FRS2: variants seen among roughly 807,000 people sequenced by gnomAD.
FRS2 encodes fibroblast growth factor receptor substrate 2, also known as FGFR signalling adaptor.
A neutral mutation model predicts 43.9 loss-of-function variants in FRS2; 8 were observed. That is an observed-to-expected ratio of 0.18 (90% CI 0.11 to 0.33). The LOEUF (loss-of-function observed/expected upper bound fraction) is 0.33, where lower values mean the gene tolerates loss of function less well. Among genes scored for constraint, FRS2 ranks in the 10% least tolerant of loss-of-function variants. The probability of loss-of-function intolerance (pLI) is 1.00; values close to 1 mark genes in which losing one functional copy is unlikely to be tolerated. For missense variants in FRS2, 534 were observed against 627.6 expected (o/e 0.85, Z 1.59); for synonymous variants, 219 against 220.3 (o/e 0.99, Z 0.05).
At chr12:69,561,318 TG>T (rs1011147695) in intron 3 of FRS2, among the ~76,000 whole-genome samples, 2 of 152,080 alleles carry the variant, frequency 1.3e-5, no homozygotes, top group African/African-American at 4.8e-5. Flanking sequence ...TTGAAATTGT[TG>T]CATTTGAAGT....
intron 1 of FRS2, among the ~76,000 whole-genome samples, chr12:69,497,997 A>G (rs1187966552): frequency 2.2e-5 from 3 of 135,290 alleles, no homozygotes; most frequent in Admixed American, 7.3e-5. Context: ...ATCTATCATC[A>G]GTCCTTGTTT....
intron 3 of FRS2, among the ~76,000 whole-genome samples, chr12:69,554,766 A>G (rs1879193934): frequency 6.6e-6 from 1 of 151,820 alleles, no homozygotes; most frequent in Admixed American, 6.6e-5. Context: ...GTGCAGTGGC[A>G]TGATCACAGC....
At position 69,529,196 on chromosome 12, in the gene FRS2, A is replaced by G. The variant is rs553390480; in HGVS notation, c.-260-1669A>G. Reference sequence around the variant, plus strand: ...GAGAGACTGGGAGATCAGACAGGGAACTATTATACTAATGTGTATGCAAAA... The same window carrying G: ...GAGAGACTGGGAGATCAGACAGGGAGCTATTATACTAATGTGTATGCAAAA... On this transcript the variant is annotated intron_variant, in intron 1 of 8. Transcript: ENST00000549921. Among the ~76,000 whole-genome samples, 11 of 152,338 alleles carry G rather than the reference A, an allele frequency of 7.2e-5. No homozygotes were observed. In the East Asian group the frequency reaches 2.1e-3, roughly 29 times the overall value.
chr12:69,529,129 T>G (rs1351651455), intron 1 of FRS2, among the ~76,000 whole-genome samples: 1 of 152,182 alleles, frequency 6.6e-6, no homozygotes, highest in African/African-American at 2.4e-5. Flanking sequence ...TGACTTTCTT[T>G]TGAAAATGGC....
chr12:69,542,191 G>A (rs952966917), intron 3 of FRS2, among the ~76,000 whole-genome samples: 1 of 152,068 alleles, frequency 6.6e-6, no homozygotes, highest in Non-Finnish European at 1.5e-5. Context: ...TTAATTTGCA[G>A]CATTCTAATT....
chr12:69,508,830 T>A (rs758812867), intron 1 of FRS2, among the ~76,000 whole-genome samples: 2 of 152,214 alleles, frequency 1.3e-5, no homozygotes, highest in Admixed American at 6.5e-5. Flanking sequence ...CTAAGAAGGA[T>A]GAAGATTAGT....
At chr12:69,509,956 T>C (rs1470788552) in intron 1 of FRS2, among the ~76,000 whole-genome samples, 1 of 152,228 alleles carries the variant, frequency 6.6e-6, no homozygotes, top group East Asian at 1.9e-4. Context: ...AATTTACAGG[T>C]ATGCCAAACA....
intron 1 of FRS2, among the ~76,000 whole-genome samples, chr12:69,471,362 A>G (rs1282934220): frequency 1.3e-5 from 2 of 152,154 alleles, no homozygotes; most frequent in South Asian, 4.1e-4. Context: ...GGCTGTACGA[A>G]TTGATTTTAA....
chr12:69,538,872 G>C (rs1005724672), intron 3 of FRS2, among the ~76,000 whole-genome samples: 2 of 151,948 alleles, frequency 1.3e-5, no homozygotes, highest in African/African-American at 2.4e-5. Flanking sequence ...TTCTCCATGA[G>C]TTTATTTCTA....
intron 1 of FRS2, among the ~76,000 whole-genome samples, chr12:69,477,865 C>G (rs1048742417): frequency 1.3e-5 from 2 of 151,308 alleles, no homozygotes; most frequent in African/African-American, 2.4e-5. Context: ...CTCAGCCTCC[C>G]GAATAGCTGG....
rs555542603 is a variant in FRS2 at position 69,494,038 on chromosome 12, C to T, written c.-261+23508C>T. Among the ~76,000 whole-genome samples the T allele has an allele frequency of 5.3e-5, 8 of 152,238 alleles. No homozygotes were observed. In the South Asian group the frequency reaches 1.2e-3, roughly 24 times the overall value. On this transcript the variant is annotated intron_variant, in intron 1 of 8. Coordinates refer to ENST00000549921, the MANE Select transcript of FRS2 (RefSeq NM_001278356.2). ...CTGTATGTTTTGTTTTCTTGTTAGG[C>T]TTCTTTTCAGAATTTTTCCAGGGCA...
chr12:69,553,260 A>G (rs1593042050), intron 3 of FRS2, among the ~76,000 whole-genome samples: 1 of 151,672 alleles, frequency 6.6e-6, no homozygotes, highest in Non-Finnish European at 1.5e-5. Flanking sequence ...TTTAGTAGAG[A>G]CGGGGTTTCA....
intron 3 of FRS2, among the ~76,000 whole-genome samples, chr12:69,559,003 G>T (rs1305412584): frequency 6.6e-6 from 1 of 152,108 alleles, no homozygotes; most frequent in African/African-American, 2.4e-5. Context: ...AAGCAACTAT[G>T]CCTGAAATAA....
At position 69,571,496 on chromosome 12, in the gene FRS2, T is replaced by G. The variant is rs1044279941; in HGVS notation, c.412+62T>G. ...AGACGTTTAGTTGTAAGCTATAGAT[T>G]GTGGGTATTTAATCAATAACACACT... On this transcript the variant is annotated intron_variant, in intron 7 of 8. Transcript: ENST00000549921. 13 of 1,264,394 alleles carry G rather than the reference T, an allele frequency of 1.0e-5. No homozygotes were observed. In the Admixed American group the frequency reaches 2.3e-4, roughly 22 times the overall value. 78.3% of individuals were successfully genotyped at this position (1,264,394 alleles called of 1,614,324 possible).
rs117203246 is a variant in FRS2 at position 69,535,376 on chromosome 12, G to A, written c.-122+3320G>A. Among the ~76,000 whole-genome samples, 189 of 152,272 alleles carry A rather than the reference G, an allele frequency of 1.2e-3. 2 individuals carry two copies. In the East Asian group the frequency reaches 0.029, roughly 23 times the overall value. ...CTTTTTTGTTAATCCCTACAGTGAT[G>A]TGTTGATCTTAAATGAGGGCGTAAA... On this transcript the variant is annotated intron_variant, in intron 3 of 8. Transcript: ENST00000549921.
At chr12:69,498,413 G>A (rs942678750) in intron 1 of FRS2, among the ~76,000 whole-genome samples, 6 of 152,242 alleles carry the variant, frequency 3.9e-5, no homozygotes, top group Admixed American at 2.0e-4. Flanking sequence ...CACAAGAGCC[G>A]TGAGGTGTAG....
At chr12:69,569,298 G>T (rs1880555305) in intron 5 of FRS2, among the ~76,000 whole-genome samples, 1 of 151,926 alleles carries the variant, frequency 6.6e-6, no homozygotes, top group Admixed American at 6.6e-5. Context: ...TCGGTCCTCT[G>T]TATCTAATTA....
Position 69,571,451 on chromosome 12 carries a change from C to T in FRS2, c.412+17C>T, listed in dbSNP as rs768660741. The T allele has an allele frequency of 1.3e-6, 2 of 1,595,548 alleles. No homozygotes were observed. Among genetic ancestry groups the T allele is most frequent in the South Asian group, 2.2e-5 (2 of 89,886 alleles). ...CACCTACAAGTAAGTACCCCTTTTC[C>T]CTTTCACATTTTGAATAACAGACGT... On this transcript the variant is annotated intron_variant, in intron 7 of 8. Transcript: ENST00000549921.
At position 69,532,064 on chromosome 12, in the gene FRS2, A is replaced by G. The variant is rs1440093661; in HGVS notation, c.-122+8A>G. The G allele has an allele frequency of 6.6e-6, 1 of 152,626 alleles. No individual in the cohort carries two copies. The highest frequency in any genetic ancestry group is 1.5e-5 in the Non-Finnish European group (1 of 68,042). The allele number at this position is 152,626 out of a possible 1,614,324, so 9.5% of individuals were successfully genotyped here. The stretch of plus-strand genomic sequence containing the variant: ...AGAAGAGAATTCCACAAGGTAAGAA[A>G]TTGTAAATATAGTAATAAAACTAAT... On this transcript the variant is annotated splice_region_variant and intron_variant, in intron 3 of 8. Transcript: ENST00000549921.
Sources: gnomAD v4.1 joint callset for allele counts (sites outside exome capture counted in the v4.1 genomes callset) on GRCh38, gnomAD v4.1.1 for gene constraint, MANE v1.5 for transcripts, NCBI Gene and HGNC (gene_info 2026-07-23, HGNC 2026-07-21) for gene names.